The following TYR variants were observed in gnomAD, a reference collection of about 807,000 sequenced individuals.
TYR encodes LB24-AB.
A neutral mutation model predicts 51.5 loss-of-function variants in TYR; 58 were observed. That is an observed-to-expected ratio of 1.13 (90% CI 0.91 to 1.40). TYR has a LOEUF of 1.40. Among genes scored for constraint, TYR ranks in the 40% most tolerant of loss-of-function variants. The pLI, the probability that TYR is intolerant of heterozygous loss-of-function variation, is 0.00. For missense variants in TYR, 732 were observed against 647.4 expected (o/e 1.13, Z -1.42); for synonymous variants, 263 against 235.2 (o/e 1.12, Z -1.08).
At chr11:89,251,183 A>AT (rs1640784032) in intron 3 of TYR, among the ~76,000 whole-genome samples, 1 of 151,902 alleles carries the variant, frequency 6.6e-6, no homozygotes, top group South Asian at 2.1e-4. Flanking sequence ...ATTATCTCAG[A>AT]TTTTCCTCAA....
At chr11:89,236,062 T>C in intron 3 of TYR, among the ~76,000 whole-genome samples, 1 of 152,182 alleles carries the variant, frequency 6.6e-6, no homozygotes, top group East Asian at 1.9e-4. Flanking sequence ...ACAGCCATGA[T>C]ATTCATTTAC....
At position 89,178,441 on chromosome 11, in the gene TYR, C is replaced by G. The variant is rs531962127; in HGVS notation, c.488C>G (p.Ser163Ter). The G allele has an allele frequency of 6.2e-7, 1 of 1,614,170 alleles. No individual in the cohort carries two copies. The highest frequency in any genetic ancestry group is 1.1e-5 in the South Asian group (1 of 91,082). The change falls in exon 1 of 5, where the codon TCA becomes TGA. Residue 163 changes from serine to a stop codon, truncating the protein, a stop_gained. Coordinates refer to ENST00000263321, the MANE Select transcript of TYR (RefSeq NM_000372.5). LOFTEE classifies it high-confidence loss of function. ...IGTYGQMKNG[S>*]TPMFNDINIY... is the part of the protein sequence containing the mutation. ...ACCTATGGCCAAATGAAAAATGGAT[C>G]AACACCCATGTTTAACGACATCAAT...
intron 2 of TYR, among the ~76,000 whole-genome samples, chr11:89,223,140 T>C (rs968766373): frequency 1.3e-5 from 2 of 152,238 alleles, no homozygotes; most frequent in African/African-American, 2.4e-5. Context: ...CCCCAACTAC[T>C]AGCTTTAATG....
At chr11:89,242,045 A>G (rs938918133) in intron 3 of TYR, among the ~76,000 whole-genome samples, 3 of 152,062 alleles carry the variant, frequency 2.0e-5, no homozygotes, top group African/African-American at 7.2e-5. Context: ...TTATATCATA[A>G]ATATTTTGGC....
At chr11:89,243,036 T>C (rs192725346) in intron 3 of TYR, among the ~76,000 whole-genome samples, 225 of 152,364 alleles carry the variant, frequency 1.5e-3, no homozygotes, top group Non-Finnish European at 2.1e-3. Context: ...TGATACTGAA[T>C]AATAAGATGC....
At chr11:89,202,622 T>TAAACAC (rs1555086930) in intron 2 of TYR, among the ~76,000 whole-genome samples, 3 of 141,280 alleles carry the variant, frequency 2.1e-5, no homozygotes, top group African/African-American at 8.1e-5. Flanking sequence ...ATTTTCATAA[T>TAAACAC]ACACACACAC....
chr11:89,210,346 A>C (rs192169876), intron 2 of TYR, among the ~76,000 whole-genome samples: 1,445 of 124,174 alleles, frequency 0.012, 15 homozygotes, highest in Middle Eastern at 0.023. Flanking sequence ...TAGCAGATTC[A>C]ATCAAGAGGA....
At chr11:89,182,842 A>G (rs2135245908) in intron 1 of TYR, among the ~76,000 whole-genome samples, 1 of 148,898 alleles carries the variant, frequency 6.7e-6, no homozygotes, top group Non-Finnish European at 1.5e-5. Context: ...GGTATCAGGA[A>G]TAGGTGTCAT....
chr11:89,183,981 A>G (rs1161850761), intron 1 of TYR, among the ~76,000 whole-genome samples: 1 of 152,114 alleles, frequency 6.6e-6, no homozygotes, highest in Non-Finnish European at 1.5e-5. Flanking sequence ...CTTAATACCC[A>G]GAGAGCTTAA....
At chr11:89,200,444 T>C (rs1771336479) in intron 2 of TYR, 1 of 152,186 alleles carries the variant, frequency 6.6e-6, no homozygotes. Context: ...TGTAATCTTC[T>C]ACACTAATGA....
At chr11:89,201,371 T>A (rs533207255) in intron 2 of TYR, among the ~76,000 whole-genome samples, 1 of 152,298 alleles carries the variant, frequency 6.6e-6, no homozygotes, top group South Asian at 2.1e-4. Flanking sequence ...GTGGGAAACA[T>A]GATTATTTCA....
rs1800421 is a variant in TYR, at chr11:89,227,851, G to A, written c.1065G>A (p.Ala355=). 1.9e-4 allele frequency: 307 copies of A among 1,612,840 alleles called. 2 individuals are homozygous for A. Among genetic ancestry groups the A allele is most frequent in the East Asian group, 1.8e-4 (8 of 44,820 alleles). Residue 355 remains alanine (A), a synonymous_variant, in exon 3 of 5, where the codon GCG becomes GCA. Coordinates refer to ENST00000263321, the MANE Select transcript of TYR (RefSeq NM_000372.5). The part of the protein sequence containing the change: ...EGFASPLTGI[A]DASQSSMHNA... Reference sequence around the variant, plus strand: ...TTGCTAGTCCACTTACTGGGATAGCGGATGCCTCTCAAAGCAGCATGCACA... The same window carrying A: ...TTGCTAGTCCACTTACTGGGATAGCAGATGCCTCTCAAAGCAGCATGCACA...
chr11:89,181,642 A>C (rs2135244997), intron 1 of TYR, among the ~76,000 whole-genome samples: 1 of 152,196 alleles, frequency 6.6e-6, no homozygotes, highest in Admixed American at 6.5e-5. Flanking sequence ...CCCAAAATTG[A>C]GATTTGAGAG....
chr11:89,218,817 A>T (rs1943869709), intron 2 of TYR, among the ~76,000 whole-genome samples: 1 of 152,224 alleles, frequency 6.6e-6, no homozygotes, highest in Admixed American at 6.5e-5. Flanking sequence ...TAACAGGTAG[A>T]AAACATGGAT....
At chr11:89,202,893 GA>G (rs369205104) in intron 2 of TYR, among the ~76,000 whole-genome samples, 1 of 152,062 alleles carries the variant, frequency 6.6e-6, no homozygotes, top group East Asian at 1.9e-4. Context: ...CTCAAGGACA[GA>G]AAAAAATGAT....
At chr11:89,205,826 T>A (rs1188892802) in intron 2 of TYR, among the ~76,000 whole-genome samples, 1 of 152,084 alleles carries the variant, frequency 6.6e-6, no homozygotes. Context: ...TTCTGTTGAG[T>A]TTTCTAAATT....
intron 3 of TYR, among the ~76,000 whole-genome samples, chr11:89,261,395 A>T (rs1176419402): frequency 6.6e-6 from 1 of 152,146 alleles, no homozygotes; most frequent in African/African-American, 2.4e-5. Context: ...AAATATTCAA[A>T]AGAGAGCTTG....
At chr11:89,219,163 C>CTA (rs1943874431) in intron 2 of TYR, among the ~76,000 whole-genome samples, 2 of 152,224 alleles carry the variant, frequency 1.3e-5, no homozygotes, top group South Asian at 4.2e-4. Context: ...TTTTCTAGCC[C>CTA]TATATAGAAG....
intron 2 of TYR, among the ~76,000 whole-genome samples, chr11:89,224,407 C>T (rs1565403892): frequency 6.6e-6 from 1 of 152,136 alleles, no homozygotes; most frequent in Non-Finnish European, 1.5e-5. Context: ...AAGGATTATA[C>T]TTCCAGTATG....
Sources: allele counts gnomAD v4.1 joint callset (sites outside exome capture counted in the v4.1 genomes callset), GRCh38; gene constraint gnomAD v4.1.1; transcripts MANE v1.5; gene names NCBI Gene and HGNC (gene_info 2026-07-23, HGNC 2026-07-21).